Variants in YTHDF1 observed in about 807,000 individuals in gnomAD.
YTHDF1 encodes the protein YTH domain-containing family protein 1.
A neutral mutation model predicts 49.1 loss-of-function variants in YTHDF1; 16 were observed. The observed-to-expected ratio is 0.33, with a 90% CI of 0.22 to 0.49. YTHDF1 has a LOEUF of 0.49. Among genes scored for constraint, YTHDF1 ranks in the 20% least tolerant of loss-of-function variants. The probability of loss-of-function intolerance (pLI) is 0.99; values close to 1 mark genes in which losing one functional copy is unlikely to be tolerated. For synonymous variants in YTHDF1, 313 were observed against 290.1 expected, an observed-to-expected ratio of 1.08 and a Z score of -0.80; for missense variants, 621 against 744.3, an observed-to-expected ratio of 0.83 and a Z score of 1.93.
chr20:63,208,774 G>A (rs2066559950), intron 3 of YTHDF1, among the ~76,000 whole-genome samples: 2 of 152,168 alleles, frequency 1.3e-5, no homozygotes, highest in South Asian at 4.1e-4. Flanking sequence ...GTCACCCCGG[G>A]CCCACCAGAG....
intron 2 of YTHDF1, among the ~76,000 whole-genome samples, chr20:63,214,656 ACGGCTGC>A (rs1568995872): frequency 1.4e-4 from 22 of 152,154 alleles, no homozygotes; most frequent in Non-Finnish European, 2.2e-4. Flanking sequence ...TAAGAGACAA[ACGGCTGC>A]ATTCTTTCGA....
chr20:63,209,452 T>A (rs2066563671), intron 3 of YTHDF1, among the ~76,000 whole-genome samples: 2 of 152,260 alleles, frequency 1.3e-5, no homozygotes, highest in South Asian at 4.1e-4. Context: ...AAATTTTTTT[T>A]AACTTTTTGA....
intron 4 of YTHDF1, among the ~76,000 whole-genome samples, chr20:63,201,818 T>G (rs557637671): frequency 6.6e-6 from 1 of 152,216 alleles, no homozygotes; most frequent in Non-Finnish European, 1.5e-5. Flanking sequence ...GACAGTGCCC[T>G]GGGAAGCAAG....
rs145386960 is a variant in YTHDF1, at chr20:63,202,857, G to A, written c.1083C>T (p.Ser361=). The change falls in exon 4 of 5, where the codon AGC becomes AGT. Residue 361 remains serine (S), a synonymous_variant. Transcript: ENST00000370339. ...PGNVQPNSAP[S]VESHPVLEKL... is the part of the protein sequence containing the mutation. The stretch of plus-strand genomic sequence containing the variant: ...TTTCAAGGACGGGGTGGGATTCGAC[G>A]CTGGGGGCAGAATTAGGCTGGACGT... 59 of 1,613,894 alleles carry A rather than the reference G, an allele frequency of 3.7e-5. No individual in the cohort carries two copies. The highest frequency in any genetic ancestry group is 3.6e-4 in the East Asian group (16 of 44,892).
chr20:63,215,571 G>A lies in YTHDF1; in HGVS notation c.52+6C>T, dbSNP rs779157789. 1.9e-6 allele frequency: 3 copies of A among 1,613,310 alleles called. No individual in the cohort carries two copies. Among genetic ancestry groups the A allele is most frequent in the Non-Finnish European group, 2.5e-6 (3 of 1,179,690 alleles). On this transcript the variant is annotated splice_donor_region_variant and intron_variant, in intron 2 of 4. Coordinates refer to ENST00000370339, the MANE Select transcript of YTHDF1 (RefSeq NM_017798.4). ...CCCGCGCCGGCCGTCCCGGGACTCCGCTCACCTTTATTATCTTGTCCTTTT... is the reference window on the plus strand; with the variant it reads ...CCCGCGCCGGCCGTCCCGGGACTCCACTCACCTTTATTATCTTGTCCTTTT...
At chr20:63,210,553 G>A (rs763555227) in intron 3 of YTHDF1, among the ~76,000 whole-genome samples, 1 of 152,172 alleles carries the variant, frequency 6.6e-6, no homozygotes, top group African/African-American at 2.4e-5. Context: ...GGAGGCTGAG[G>A]CAGGGGGATC....
At chr20:63,208,185 A>G (rs908199812) in intron 3 of YTHDF1, among the ~76,000 whole-genome samples, 1 of 152,198 alleles carries the variant, frequency 6.6e-6, no homozygotes, top group African/African-American at 2.4e-5. Flanking sequence ...GAGAGACTAG[A>G]GGGAGAAGCA....
At chr20:63,205,342 G>A (rs985885854) in intron 3 of YTHDF1, among the ~76,000 whole-genome samples, 10 of 152,196 alleles carry the variant, frequency 6.6e-5, no homozygotes, top group African/African-American at 2.4e-4. Flanking sequence ...CTCCCTGGGG[G>A]CAGTGCCCCA....
In YTHDF1 at chr20:63,203,658, G is replaced by A. The variant is rs542626105; in HGVS notation, c.282C>T (p.Asn94=). Residue 94 remains asparagine, a synonymous_variant, in exon 4 of 5, where the codon AAC becomes AAT. Coordinates refer to ENST00000370339, the MANE Select transcript of YTHDF1 (RefSeq NM_017798.4). The surrounding 1 kb of genome is among the most constrained non-coding windows in gnomAD (Gnocchi z 4.4). ...PYLTTYGQLS[N]GDHHFMHDAV... ...CATCGTGCATAAAATGATGGTCTCCGTTACTGAGCTGTCCGTAGGTGGTGA... is the reference window on the plus strand; with the variant it reads ...CATCGTGCATAAAATGATGGTCTCCATTACTGAGCTGTCCGTAGGTGGTGA... 2.1e-5 allele frequency: 34 copies of A among 1,614,206 alleles called. No homozygotes were observed. The highest frequency in any genetic ancestry group is 2.0e-4 in the South Asian group (18 of 91,088).
At chr20:63,199,890 T>C (rs1280173315) in intron 4 of YTHDF1, among the ~76,000 whole-genome samples, 1 of 150,862 alleles carries the variant, frequency 6.6e-6, no homozygotes, top group Non-Finnish European at 1.5e-5. Context: ...AAGACACTGA[T>C]TCTACAAAAA....
intron 3 of YTHDF1, among the ~76,000 whole-genome samples, chr20:63,208,485 T>C (rs960995942): frequency 6.6e-6 from 1 of 152,242 alleles, no homozygotes; most frequent in African/African-American, 2.4e-5. Flanking sequence ...TTTTCAGATC[T>C]GTTTTCAGGA....
At chr20:63,211,519 G>T (rs2066574168) in intron 3 of YTHDF1, among the ~76,000 whole-genome samples, 1 of 152,116 alleles carries the variant, frequency 6.6e-6, no homozygotes. Flanking sequence ...TGTGGCCATG[G>T]CTCCAAAGGT....
chr20:63,208,817 G>T (rs2066560175), intron 3 of YTHDF1, among the ~76,000 whole-genome samples: 1 of 152,188 alleles, frequency 6.6e-6, no homozygotes. Flanking sequence ...CCTGTGCCAA[G>T]CATCTCCAGG....
In YTHDF1 at chr20:63,207,039, G is replaced by A. The variant is rs149718066; in HGVS notation, c.133-3232C>T. 2.7e-3 allele frequency among the ~76,000 whole-genome samples: 405 copies of A among 152,326 alleles called. 2 individuals are homozygous for A. The highest frequency in any genetic ancestry group is 3.9e-3 in the Non-Finnish European group (263 of 68,036). On this transcript the variant is annotated intron_variant, in intron 3 of 4. Coordinates refer to ENST00000370339, the MANE Select transcript of YTHDF1 (RefSeq NM_017798.4). The stretch of plus-strand genomic sequence containing the variant: ...GGCCTTTGATCTCCCTTTGTCTCCC[G>A]CACAGCCAGGCACAGGTTCAGCGCT...
At chr20:63,208,900 T>G (rs561440145) in intron 3 of YTHDF1, among the ~76,000 whole-genome samples, 1 of 152,168 alleles carries the variant, frequency 6.6e-6, no homozygotes, top group Non-Finnish European at 1.5e-5. Flanking sequence ...CAAAACCTGA[T>G]GAGCAATTTC....
chr20:63,208,396 G>A (rs148324944), intron 3 of YTHDF1, among the ~76,000 whole-genome samples: 33 of 152,320 alleles, frequency 2.2e-4, no homozygotes, highest in African/African-American at 7.0e-4. Context: ...CTGTTCTTCA[G>A]GAGAAGCCTT....
intron 3 of YTHDF1, among the ~76,000 whole-genome samples, chr20:63,211,295 T>C (rs777367829): frequency 1.4e-4 from 21 of 152,102 alleles, no homozygotes; most frequent in Non-Finnish European, 2.9e-4. Flanking sequence ...CAATATTTCA[T>C]GTCTACTAAA....
At position 63,202,275 on chromosome 20, in the gene YTHDF1, A is replaced by G. The variant is rs1385505739; in HGVS notation, c.1653+12T>C. 6.2e-7 allele frequency: 1 copy of G among 1,606,134 alleles called. No individual in the cohort carries two copies. Among genetic ancestry groups the G allele is most frequent in the Non-Finnish European group, 8.5e-7 (1 of 1,175,294 alleles). On this transcript the variant is annotated intron_variant, in intron 4 of 4. Transcript: ENST00000370339. ...CATCTGCATGGCAGTTGCCTGCAAC[A>G]CCCAGCCTCACCTTGCGCACCACCT...
At chr20:63,208,358 G>C (rs971020558) in intron 3 of YTHDF1, among the ~76,000 whole-genome samples, 1 of 152,230 alleles carries the variant, frequency 6.6e-6, no homozygotes, top group African/African-American at 2.4e-5. Context: ...CTCTGACCCA[G>C]GACTGGGAAC....
Sources: allele counts gnomAD v4.1 joint callset (sites outside exome capture counted in the v4.1 genomes callset), GRCh38; gene constraint gnomAD v4.1.1; non-coding constraint Gnocchi (gnomAD v3.1); transcripts MANE v1.5; gene names NCBI Gene and HGNC (gene_info 2026-07-23, HGNC 2026-07-21).